The following SVIL variants were observed in gnomAD, a reference collection of about 807,000 sequenced individuals.
SVIL encodes archvillin.
SVIL carries 101 observed loss-of-function variants against 240.4 expected under a neutral mutation model. That is an observed-to-expected ratio of 0.42 (90% CI 0.36 to 0.50). The LOEUF (loss-of-function observed/expected upper bound fraction) is 0.50, where lower values mean the gene tolerates loss of function less well. SVIL is among the 20% of genes least tolerant of loss of function. The pLI is 0.01. For synonymous variants in SVIL, 999 were observed against 1,100.0 expected (o/e 0.91, Z 1.82); for missense variants, 2,512 against 2,818.7 (o/e 0.89, Z 2.46).
chr10:29,599,671 C>T (rs1313371790), intron 1 of SVIL, among the ~76,000 whole-genome samples: 6 of 152,174 alleles, frequency 3.9e-5, no homozygotes, highest in Non-Finnish European at 8.8e-5. Flanking sequence ...CCCACCTTGG[C>T]CTCCCCAAGT....
At chr10:29,573,722 T>TTC (rs1554860960) in intron 1 of SVIL, among the ~76,000 whole-genome samples, 11 of 150,656 alleles carry the variant, frequency 7.3e-5, no homozygotes, top group Non-Finnish European at 1.0e-4. Flanking sequence ...TTTTTTTTTT[T>TTC]CCCGCTCTGT....
At chr10:29,477,293 A>G (rs1946300571) in intron 29 of SVIL, among the ~76,000 whole-genome samples, 1 of 152,236 alleles carries the variant, frequency 6.6e-6, no homozygotes, top group Non-Finnish European at 1.5e-5. Context: ...AAATATAAAG[A>G]CTGTTCATGG....
intron 1 of SVIL, among the ~76,000 whole-genome samples, chr10:29,713,649 T>C (rs1022446230): frequency 3.9e-5 from 6 of 152,148 alleles, no homozygotes; most frequent in Non-Finnish European, 8.8e-5. Flanking sequence ...AATTCATAAA[T>C]GAATGAGTGT....
At chr10:29,479,821 A>G (rs1240426025) in intron 29 of SVIL, among the ~76,000 whole-genome samples, 1 of 152,134 alleles carries the variant, frequency 6.6e-6, no homozygotes. Flanking sequence ...TGAAATCACA[A>G]ACCTGTGACC....
intron 2 of SVIL, among the ~76,000 whole-genome samples, chr10:29,681,406 G>GGTGTGTGT (rs55839039): frequency 0.017 from 2,314 of 134,926 alleles, 51 homozygotes; most frequent in African/African-American, 0.044. Flanking sequence ...AAGATGGAAT[G>GGTGTGTGT]GTGTGTGTGT....
chr10:29,687,200 C>T (rs1471850364), intron 1 of SVIL, among the ~76,000 whole-genome samples: 2 of 152,134 alleles, frequency 1.3e-5, no homozygotes, highest in Admixed American at 1.3e-4. Flanking sequence ...AAAGTCTATT[C>T]GATTCCGCAC....
intron 6 of SVIL, among the ~76,000 whole-genome samples, chr10:29,549,092 G>C (rs1377708222): frequency 2.0e-5 from 3 of 150,586 alleles, no homozygotes; most frequent in Non-Finnish European, 4.4e-5. Flanking sequence ...CCACAAAATG[G>C]GAGAAAATTT....
At chr10:29,666,183 G>T (rs973029455) in intron 2 of SVIL, among the ~76,000 whole-genome samples, 3 of 152,198 alleles carry the variant, frequency 2.0e-5, no homozygotes, top group East Asian at 1.9e-4. Flanking sequence ...CTTTCAAAGT[G>T]CTAGGATTAC....
intron 3 of SVIL, among the ~76,000 whole-genome samples, chr10:29,652,049 GAT>G (rs1476038508): frequency 6.6e-6 from 1 of 151,854 alleles, no homozygotes; most frequent in Non-Finnish European, 1.5e-5. Context: ...CAGGCTTACT[GAT>G]ATAAAATTCA....
At chr10:29,496,314 T>C in intron 18 of SVIL, 1 of 438,174 alleles carries the variant, frequency 2.3e-6, no homozygotes, top group Admixed American at 2.6e-5. Flanking sequence ...GCAAAGGGTT[T>C]CCATCCATGA....
In SVIL at chr10:29,584,605, C is replaced by T. The variant is rs556864313; in HGVS notation, c.-200-15293G>A. Among the ~76,000 whole-genome samples, 974 of 152,326 alleles carry T rather than the reference C, an allele frequency of 6.4e-3. 8 individuals carry two copies. The highest frequency in any genetic ancestry group is 0.013 in the South Asian group (63 of 4,832). On this transcript the variant is annotated intron_variant, in intron 1 of 37. Transcript: ENST00000355867. ...CTGGACTCTCTCCCCTGTATGCAAG[C>T]CCACAACAGAACCCCGTGCCTCGTT...
chr10:29,533,573 T>C (rs939466297), intron 7 of SVIL, 115 bp from the exon 8 acceptor site: 19 of 1,439,064 alleles, frequency 1.3e-5, no homozygotes, highest in Non-Finnish European at 1.5e-5. Context: ...AGAGAATAAC[T>C]TGTGAAAAAG....
chr10:29,721,464 A>G (rs1331203509), intron 1 of SVIL, among the ~76,000 whole-genome samples: 1 of 151,626 alleles, frequency 6.6e-6, no homozygotes, highest in Non-Finnish European at 1.5e-5. Flanking sequence ...ACTGCCTACA[A>G]AAAAAAAGCA....
intron 1 of SVIL, among the ~76,000 whole-genome samples, chr10:29,623,393 A>T (rs540034521): frequency 6.6e-6 from 1 of 152,322 alleles, no homozygotes; most frequent in South Asian, 2.1e-4. Context: ...GAATACACCC[A>T]TCAACAGATT....
intron 1 of SVIL, among the ~76,000 whole-genome samples, chr10:29,622,918 C>A (rs1027536860): frequency 2.0e-5 from 3 of 152,184 alleles, no homozygotes; most frequent in African/African-American, 7.2e-5. Flanking sequence ...TGAGATTGCA[C>A]AGCATGGATC....
At chr10:29,610,820 A>G (rs957318500) in intron 1 of SVIL, among the ~76,000 whole-genome samples, 1 of 151,660 alleles carries the variant, frequency 6.6e-6, no homozygotes, top group Non-Finnish European at 1.5e-5. Flanking sequence ...ACCTTCCCAG[A>G]CTCCCTCAGC....
chr10:29,515,659 T>C (rs1386572203), intron 16 of SVIL, among the ~76,000 whole-genome samples: 1 of 152,218 alleles, frequency 6.6e-6, no homozygotes, highest in African/African-American at 2.4e-5. Context: ...TCCACCTTGT[T>C]AATCAGATTG....
intron 3 of SVIL, among the ~76,000 whole-genome samples, chr10:29,647,624 G>GGGGGGTGTGTGT (rs148132418): frequency 6.6e-6 from 1 of 151,566 alleles, no homozygotes; most frequent in South Asian, 2.1e-4. Context: ...TGCAAATATA[G>GGGGGGTGTGTGT]GTGTGTGTGT....
chr10:29,653,027 C>T (rs1249254565), intron 3 of SVIL, among the ~76,000 whole-genome samples: 4 of 146,474 alleles, frequency 2.7e-5, no homozygotes, highest in Non-Finnish European at 6.0e-5. Context: ...GAGTCGTTCT[C>T]GCTATGTTGA....
Sources: allele counts gnomAD v4.1 joint callset (sites outside exome capture counted in the v4.1 genomes callset), GRCh38; gene constraint gnomAD v4.1.1; transcripts MANE v1.5; gene names NCBI Gene and HGNC (gene_info 2026-07-23, HGNC 2026-07-21).